OSBPL9: variants seen among roughly 807,000 people sequenced by gnomAD.
The protein encoded by OSBPL9 is oxysterol binding protein like 9.
OSBPL9 carries 40 observed loss-of-function variants against 106.6 expected under a neutral mutation model. The observed-to-expected ratio is 0.38, with a 90% CI of 0.29 to 0.49. The LOEUF (loss-of-function observed/expected upper bound fraction) is 0.49. OSBPL9 is among the 20% of genes least tolerant of loss of function. The probability of loss-of-function intolerance (pLI) is 0.97; values close to 1 mark genes in which losing one functional copy is unlikely to be tolerated. For missense variants in OSBPL9, 609 were observed against 887.2 expected, an observed-to-expected ratio of 0.69 and a Z score of 3.98; for synonymous variants, 269 against 295.4, an observed-to-expected ratio of 0.91 and a Z score of 0.92.
At chr1:51,563,468 C>A in the OSBPL9 span, among the ~76,000 whole-genome samples, 1 of 152,158 alleles carries the variant, frequency 6.6e-6, no homozygotes, top group African/African-American at 2.4e-5. Flanking sequence ...TAGGCATAGC[C>A]CTGTGAGCAG....
At chr1:51,761,549 A>AT (rs929732709) in intron 10 of OSBPL9, among the ~76,000 whole-genome samples, 4 of 152,070 alleles carry the variant, frequency 2.6e-5, no homozygotes, top group African/African-American at 9.7e-5. Flanking sequence ...TCCACTTCAG[A>AT]TTTTTTGTGG....
the OSBPL9 span, among the ~76,000 whole-genome samples, chr1:51,528,246 A>G: frequency 1.3e-5 from 2 of 151,864 alleles, no homozygotes; most frequent in Non-Finnish European, 2.9e-5. Context: ...ATATTTGCAG[A>G]TGAGATGATC....
At chr1:51,579,262 A>G (rs1421183742) in intron 1 of OSBPL9, among the ~76,000 whole-genome samples, 1 of 152,168 alleles carries the variant, frequency 6.6e-6, no homozygotes, top group African/African-American at 2.4e-5. Context: ...TGTTAGGCAC[A>G]CTAGAAGTGA....
chr1:51,694,689 A>G (rs1266217462), intron 3 of OSBPL9, among the ~76,000 whole-genome samples: 1 of 152,212 alleles, frequency 6.6e-6, no homozygotes, highest in Non-Finnish European at 1.5e-5. Flanking sequence ...GGTTTACTGA[A>G]TTATATGGAT....
rs1677152135 is a variant in OSBPL9, at chr1:51,784,547, T to C, written c.1794T>C (p.Tyr598=). 2.5e-6 allele frequency: 4 copies of C among 1,614,120 alleles called. No homozygotes were observed. The East Asian group carries it at 8.9e-5, about 36-fold the overall frequency. ...TCATCTTCCACACTAAACCCTTCTA[T>C]GGGGGCAAGAAGCACAGAATTACTG... is the stretch of plus-strand genomic sequence containing the variant. ...ANIIFHTKPF[Y]GGKKHRITAE... is the part of the protein sequence containing the mutation. Residue 598 remains tyrosine, a synonymous_variant, in exon 20 of 24, where the codon TAT becomes TAC. Coordinates refer to ENST00000428468, the MANE Select transcript of OSBPL9 (RefSeq NM_024586.6).
At chr1:51,596,279 A>T (rs960410024) in intron 1 of OSBPL9, among the ~76,000 whole-genome samples, 1 of 149,400 alleles carries the variant, frequency 6.7e-6, no homozygotes, top group Non-Finnish European at 1.5e-5. Context: ...AAAAAAAAAA[A>T]GGCCAGGCAC....
At chr1:51,520,841 T>G in the OSBPL9 span, among the ~76,000 whole-genome samples, 5 of 152,260 alleles carry the variant, frequency 3.3e-5, no homozygotes, top group African/African-American at 1.2e-4. Flanking sequence ...GCAAGCCATA[T>G]AGGTCTGGTG....
chr1:51,723,934 AT>A (rs915904947), intron 4 of OSBPL9, among the ~76,000 whole-genome samples: 1 of 151,886 alleles, frequency 6.6e-6, no homozygotes, highest in Non-Finnish European at 1.5e-5. Context: ...CTAGGTTGGT[AT>A]TTTTTTCTCT....
chr1:51,636,082 ATGTG>A lies in OSBPL9; in HGVS notation c.112-15887_112-15884del, dbSNP rs35392929. 5.7e-4 allele frequency among the ~76,000 whole-genome samples: 79 copies of A among 139,724 alleles called. 2 individuals carry two copies. In the South Asian group the frequency reaches 0.012, roughly 22 times the overall value. The allele number at this position is 139,724 out of a possible 152,430, so 91.7% of individuals were successfully genotyped here. On this transcript the variant is annotated intron_variant, in intron 1 of 23. Coordinates refer to ENST00000428468, the MANE Select transcript of OSBPL9 (RefSeq NM_024586.6). ...CAATTTATGTACTGTATGTATGTAT[ATGTG>A]TGTGTGTGTGTGTGTGTGTGTATCC... is the stretch of plus-strand genomic sequence containing the variant.
chr1:51,739,513 A>G (rs904799634), intron 4 of OSBPL9, among the ~76,000 whole-genome samples: 1 of 152,008 alleles, frequency 6.6e-6, no homozygotes, highest in Non-Finnish European at 1.5e-5. Context: ...CCATGTTGAC[A>G]ATAAAGAACC....
At chr1:51,580,013 G>C (rs945227273) in intron 1 of OSBPL9, among the ~76,000 whole-genome samples, 1 of 152,072 alleles carries the variant, frequency 6.6e-6, no homozygotes, top group Non-Finnish European at 1.5e-5. Context: ...ACTTCTCTCT[G>C]AGATCCATGT....
chr1:51,603,787 G>A (rs1446450065), intron 2 of OSBPL9, among the ~76,000 whole-genome samples: 1 of 152,218 alleles, frequency 6.6e-6, no homozygotes, highest in African/African-American at 2.4e-5. Context: ...TTGGGTTGGA[G>A]TGCAGGCAAA....
upstream of OSBPL9, among the ~76,000 whole-genome samples, chr1:51,614,062 C>T (rs1015979903): frequency 1.3e-5 from 2 of 151,650 alleles, no homozygotes; most frequent in African/African-American, 4.8e-5. Flanking sequence ...GGATTACAGG[C>T]ATGAGCCACT....
chr1:51,620,780 G>A (rs950541997), intron 1 of OSBPL9, among the ~76,000 whole-genome samples: 1 of 152,072 alleles, frequency 6.6e-6, no homozygotes, highest in Non-Finnish European at 1.5e-5. Flanking sequence ...CCAGGGCAGT[G>A]GAGAGCTATT....
At chr1:51,583,159 C>T (rs948826883) in intron 1 of OSBPL9, among the ~76,000 whole-genome samples, 6 of 151,734 alleles carry the variant, frequency 4.0e-5, no homozygotes, top group South Asian at 2.1e-4. Flanking sequence ...GAAAATTAAA[C>T]GTAGTAGGGT....
chr1:51,767,138 A>G (rs980478901), intron 12 of OSBPL9, among the ~76,000 whole-genome samples: 14 of 152,088 alleles, frequency 9.2e-5, no homozygotes, highest in Non-Finnish European at 1.5e-4. Context: ...TTATGCCCCT[A>G]ATCTCAGCAA....
intron 2 of OSBPL9, among the ~76,000 whole-genome samples, chr1:51,599,697 C>T (rs1399656393): frequency 6.6e-6 from 1 of 151,998 alleles, no homozygotes; most frequent in East Asian, 1.9e-4. Flanking sequence ...GAAAAAAATC[C>T]ATGTGATATT....
chr1:51,569,845 T>G, the OSBPL9 span: 2 of 152,172 alleles, frequency 1.3e-5, no homozygotes, highest in African/African-American at 4.8e-5. Flanking sequence ...GGTATTTTCT[T>G]CCATACCTGT....
chr1:51,643,016 G>C (rs1172219107), intron 1 of OSBPL9, among the ~76,000 whole-genome samples: 3 of 151,826 alleles, frequency 2.0e-5, no homozygotes, highest in African/African-American at 7.3e-5. Flanking sequence ...TTTGGCTCAT[G>C]GTTTTAGCAG....
Sources: allele counts gnomAD v4.1 joint callset (sites outside exome capture counted in the v4.1 genomes callset), GRCh38; gene constraint gnomAD v4.1.1; transcripts MANE v1.5; gene names NCBI Gene and HGNC (gene_info 2026-07-23, HGNC 2026-07-21).